Variants in SEC24D observed in about 807,000 individuals in gnomAD.
SEC24D encodes protein transport protein Sec24D.
In SEC24D, 69 loss-of-function variants were observed where a neutral mutation model predicts 116.9. The observed-to-expected ratio is 0.59, with a 90% CI of 0.49 to 0.72. The LOEUF is 0.72. Among genes scored for constraint, SEC24D ranks in the 30% least tolerant of loss-of-function variants. SEC24D has a pLI of 0.00. For missense variants in SEC24D, 1,131 were observed against 1,264.1 expected (o/e 0.89, Z 1.60); for synonymous variants, 405 against 442.8 (o/e 0.91, Z 1.07).
At chr4:118,775,581 A>G (rs1213419967) in intron 8 of SEC24D, among the ~76,000 whole-genome samples, 1 of 152,048 alleles carries the variant, frequency 6.6e-6, no homozygotes, top group Non-Finnish European at 1.5e-5. Context: ...AGTGATTTTG[A>G]GGAGAGCCTT....
chr4:118,826,047 A>G (rs1730578798), intron 2 of SEC24D, among the ~76,000 whole-genome samples: 1 of 151,868 alleles, frequency 6.6e-6, no homozygotes, highest in African/African-American at 2.4e-5. Flanking sequence ...GTCTTCATGA[A>G]TAATATTGAA....
chr4:118,725,077 A>G (rs1725337509), intron 22 of SEC24D, among the ~76,000 whole-genome samples: 1 of 136,832 alleles, frequency 7.3e-6, no homozygotes, highest in Non-Finnish European at 1.7e-5. Context: ...TTTCCTTTAT[A>G]ACGTTTCGGC....
chr4:118,724,977 T>A (rs922106829), intron 22 of SEC24D, among the ~76,000 whole-genome samples: 6 of 152,224 alleles, frequency 3.9e-5, no homozygotes, highest in Non-Finnish European at 8.8e-5. Context: ...ATGTGCAATT[T>A]TGGCTAGGAG....
At chr4:118,800,612 T>C (rs1041431345) in intron 7 of SEC24D, among the ~76,000 whole-genome samples, 19 of 152,134 alleles carry the variant, frequency 1.2e-4, no homozygotes, top group East Asian at 1.9e-4. Context: ...CTGCAGAGCA[T>C]CTGAGAGAAG....
At chr4:118,791,479 TTAAG>T (rs1283187371) in intron 8 of SEC24D, among the ~76,000 whole-genome samples, 3 of 152,066 alleles carry the variant, frequency 2.0e-5, no homozygotes, top group Non-Finnish European at 4.4e-5. Flanking sequence ...AATGTGATAA[TTAAG>T]TAAATAAATA....
intron 3 of SEC24D, among the ~76,000 whole-genome samples, chr4:118,820,794 T>C (rs192646896): frequency 6.6e-5 from 10 of 152,324 alleles, no homozygotes; most frequent in Admixed American, 2.6e-4. Flanking sequence ...TTTTAATTTA[T>C]GGTTTCATTG....
At chr4:118,783,462 C>T (rs912505777) in intron 8 of SEC24D, among the ~76,000 whole-genome samples, 7 of 152,230 alleles carry the variant, frequency 4.6e-5, no homozygotes, top group Non-Finnish European at 7.3e-5. Flanking sequence ...AGATCTTTGT[C>T]TGCTCTGTTC....
At chr4:118,819,398 G>C (rs1390821479) in intron 3 of SEC24D, among the ~76,000 whole-genome samples, 2 of 151,774 alleles carry the variant, frequency 1.3e-5, no homozygotes, top group Non-Finnish European at 2.9e-5. Context: ...GGGCGTGGTG[G>C]TGGGCGCCTG....
At chr4:118,784,907 G>T (rs1386328849) in intron 8 of SEC24D, among the ~76,000 whole-genome samples, 2 of 152,086 alleles carry the variant, frequency 1.3e-5, no homozygotes, top group African/African-American at 4.8e-5. Context: ...TTATGAAATT[G>T]TTATTCTAGT....
rs779170223 is a variant in SEC24D, at chr4:118,723,478, C to G, written c.*37G>C. On this transcript the variant is annotated 3_prime_UTR_variant, in exon 23 of 23. Coordinates refer to ENST00000280551, the MANE Select transcript of SEC24D (RefSeq NM_014822.4). ...TTAGGCACCAAGAAGGAGATTATCTCCTTGGAAATGCAACATCAATGACAG... is the reference window on the plus strand; with the variant it reads ...TTAGGCACCAAGAAGGAGATTATCTGCTTGGAAATGCAACATCAATGACAG... The G allele has an allele frequency of 4.6e-5, 73 of 1,588,990 alleles. No homozygotes were observed. The Middle Eastern group carries it at 8.4e-4, about 18-fold the overall frequency.
chr4:118,829,048 G>C lies in SEC24D; in HGVS notation c.119-4299C>G, dbSNP rs540540707. ...AGTCTTGTTTAGGTGCCCCTGCCAC[G>C]TGCTTCCATACCACCCTCTACTTCC... On this transcript the variant is annotated intron_variant, in intron 2 of 22. Transcript: ENST00000280551. Among the ~76,000 whole-genome samples the C allele has an allele frequency of 2.6e-5, 4 of 152,296 alleles. No homozygotes were observed. The East Asian group carries it at 7.7e-4, about 29-fold the overall frequency.
intron 7 of SEC24D, among the ~76,000 whole-genome samples, chr4:118,802,882 T>G (rs1056721629): frequency 1.3e-5 from 2 of 152,198 alleles, no homozygotes; most frequent in African/African-American, 4.8e-5. Context: ...AAATGCAGTA[T>G]GTATAAAAGA....
At chr4:118,825,977 C>T (rs1292202131) in intron 2 of SEC24D, among the ~76,000 whole-genome samples, 4 of 151,502 alleles carry the variant, frequency 2.6e-5, no homozygotes, top group South Asian at 2.1e-4. Flanking sequence ...TAATTGCTTT[C>T]GAGAGAATGC....
chr4:118,802,904 G>C (rs911131233), intron 7 of SEC24D, among the ~76,000 whole-genome samples: 3 of 152,160 alleles, frequency 2.0e-5, no homozygotes, highest in Non-Finnish European at 2.9e-5. Flanking sequence ...GGAAAGTTAC[G>C]TAGCCTTAAA....
At chr4:118,731,282 A>C in intron 21 of SEC24D, 34 bp downstream of exon 21, 1 of 1,548,086 alleles carries the variant, frequency 6.5e-7, no homozygotes, top group South Asian at 1.1e-5. Context: ...TATATTTTTC[A>C]TATTACCACA....
chr4:118,811,991 C>T (rs1729940135), intron 6 of SEC24D, among the ~76,000 whole-genome samples: 6 of 152,162 alleles, frequency 3.9e-5, no homozygotes, highest in Admixed American at 3.9e-4. Flanking sequence ...GAATCTGAGG[C>T]AGTCTTGGGA....
At chr4:118,797,848 GA>G in intron 7 of SEC24D, 38 bp from the exon 8 acceptor site, 5 of 1,510,182 alleles carry the variant, frequency 3.3e-6, no homozygotes, top group South Asian at 1.3e-5. Flanking sequence ...AACTTGTTTA[GA>G]AAAAAACCTT....
At position 118,805,794 on chromosome 4, in the gene SEC24D, G is replaced by A. The variant is rs2303513; in HGVS notation, c.913+49C>T. ...GTGTCAGTGTATTTGCTTTAAAAACGGTGAGAAATTTTAAAACCTTAATAA... is the reference window on the plus strand; with the variant it reads ...GTGTCAGTGTATTTGCTTTAAAAACAGTGAGAAATTTTAAAACCTTAATAA... On this transcript the variant is annotated intron_variant, in intron 7 of 22. Coordinates refer to ENST00000280551, the MANE Select transcript of SEC24D (RefSeq NM_014822.4). 0.29 allele frequency: 329,414 copies of A among 1,132,986 alleles called. 51,099 individuals are homozygous for A. Among genetic ancestry groups the A allele is most frequent in the Admixed American group, 0.37 (13,935 of 37,506 alleles). The allele number at this position is 1,132,986 out of a possible 1,614,324, so 70.2% of individuals were successfully genotyped here. A position where few individuals can be genotyped will look rare whatever the true frequency, so the allele number is the denominator to read the frequency against.
chr4:118,757,572 C>T, intron 11 of SEC24D, 149 bp downstream of exon 11: 1 of 627,144 alleles, frequency 1.6e-6, no homozygotes, highest in South Asian at 2.3e-5. Flanking sequence ...TCTAAGGACT[C>T]AAAACAATGA....
Sources: allele counts gnomAD v4.1 joint callset (sites outside exome capture counted in the v4.1 genomes callset), GRCh38; gene constraint gnomAD v4.1.1; transcripts MANE v1.5; gene names NCBI Gene and HGNC (gene_info 2026-07-23, HGNC 2026-07-21).